The following TTC17 variants were observed in gnomAD, a reference collection of about 807,000 sequenced individuals.
TTC17 encodes the protein tetratricopeptide repeat domain 17, also known as tetratricopeptide repeat protein 17.
In TTC17, 58 loss-of-function variants were observed where a neutral mutation model predicts 143.8. The ratio of observed to expected loss-of-function variants is 0.40; its 90% confidence interval spans 0.33 to 0.50. The LOEUF is 0.50. Among genes scored for constraint, TTC17 ranks in the 20% least tolerant of loss-of-function variants. The probability of loss-of-function intolerance (pLI) is 0.49; values close to 1 mark genes in which losing one functional copy is unlikely to be tolerated. For synonymous variants in TTC17, 501 were observed against 497.8 expected (o/e 1.01, Z -0.09); for missense variants, 1,273 against 1,392.5 (o/e 0.91, Z 1.37).
chr11:43,475,434 G>T (rs762891334), intron 21 of TTC17, among the ~76,000 whole-genome samples: 6 of 152,144 alleles, frequency 3.9e-5, no homozygotes, highest in Non-Finnish European at 8.8e-5. Flanking sequence ...CCAGGTTAAA[G>T]CAATCCTTCC....
At chr11:43,373,449 C>G (rs988798003) in intron 1 of TTC17, among the ~76,000 whole-genome samples, 1 of 151,892 alleles carries the variant, frequency 6.6e-6, no homozygotes, top group Non-Finnish European at 1.5e-5. Flanking sequence ...TCAGCCTCCC[C>G]AGTAGCTGGA....
intron 13 of TTC17, among the ~76,000 whole-genome samples, chr11:43,406,320 TGAAGA>T (rs1265733142): frequency 6.6e-6 from 1 of 152,152 alleles, no homozygotes; most frequent in East Asian, 1.9e-4. Context: ...ATTGAAAGCT[TGAAGA>T]ATCTCTCTCT....
At chr11:43,368,043 C>G (rs116722345) in intron 1 of TTC17, among the ~76,000 whole-genome samples, 11 of 152,298 alleles carry the variant, frequency 7.2e-5, no homozygotes, top group African/African-American at 2.4e-4. Context: ...CTTTTTACAC[C>G]TGTAATAGCT....
At chr11:43,470,045 G>A (rs187466901) in intron 21 of TTC17, among the ~76,000 whole-genome samples, 3 of 151,828 alleles carry the variant, frequency 2.0e-5, no homozygotes, top group Non-Finnish European at 2.9e-5. Context: ...AAATATGGAC[G>A]GTAACATCTT....
chr11:43,460,271 G>A lies in TTC17; in HGVS notation c.3030+9006G>A, dbSNP rs920410020. Among the ~76,000 whole-genome samples the A allele has an allele frequency of 2.6e-5, 4 of 152,042 alleles. No individual in the cohort carries two copies. In the East Asian group the frequency reaches 7.7e-4, roughly 29 times the overall value. On this transcript the variant is annotated intron_variant, in intron 21 of 23. Coordinates refer to ENST00000039989, the MANE Select transcript of TTC17 (RefSeq NM_018259.6). ...TCTCTCTTTTAATACCTTTCTACAGGTGTTTTTTGAAAAATTGCTTATCAC... is the reference window on the plus strand; with the variant it reads ...TCTCTCTTTTAATACCTTTCTACAGATGTTTTTTGAAAAATTGCTTATCAC...
At chr11:43,479,602 T>C (rs1948248185) in intron 21 of TTC17, among the ~76,000 whole-genome samples, 1 of 152,140 alleles carries the variant, frequency 6.6e-6, no homozygotes, top group South Asian at 2.1e-4. Flanking sequence ...AACTACAAAA[T>C]AGCAAAGGCA....
chr11:43,451,356 TGTTA>T, intron 21 of TTC17, 91 bp downstream of exon 21: 1 of 1,129,270 alleles, frequency 8.9e-7, no homozygotes, highest in Admixed American at 1.8e-5. Context: ...TAACCTCTTC[TGTTA>T]GTTACTTAGC....
Position 43,401,578 on chromosome 11 carries a change from C to T in TTC17, c.1332+20C>T, listed in dbSNP as rs1267527109. ...GTTCAGGTCTTTTTCTTGGTCCAGT[C>T]TAATTCTTATAAACGTTTGCTTTAT... is the stretch of plus-strand genomic sequence containing the variant. On this transcript the variant is annotated intron_variant, in intron 10 of 23. Transcript: ENST00000039989. 2 of 1,513,388 alleles carry T rather than the reference C, an allele frequency of 1.3e-6. No individual in the cohort carries two copies. Among genetic ancestry groups the T allele is most frequent in the African/African-American group, 2.8e-5 (2 of 71,532 alleles). 93.7% of individuals were successfully genotyped at this position (1,513,388 alleles called of 1,614,324 possible). A position where few individuals can be genotyped will look rare whatever the true frequency, so the allele number is the denominator to read the frequency against.
chr11:43,454,920 A>T (rs1402422737), intron 21 of TTC17, among the ~76,000 whole-genome samples: 1 of 152,016 alleles, frequency 6.6e-6, no homozygotes, highest in Admixed American at 6.5e-5. Context: ...ATAATCAGTA[A>T]GGTAGATCTT....
At chr11:43,456,077 G>A (rs1033116163) in intron 21 of TTC17, among the ~76,000 whole-genome samples, 1 of 151,906 alleles carries the variant, frequency 6.6e-6, no homozygotes, top group Non-Finnish European at 1.5e-5. Context: ...TGATAGAGGG[G>A]AAAAAATCAT....
In TTC17 at chr11:43,414,791, A is replaced by G. The variant is rs1344154175; in HGVS notation, c.2251+15A>G. On this transcript the variant is annotated intron_variant, in intron 16 of 23. Transcript: ENST00000039989. ...TGTTTGCAGTGGTAAGCAGCTTTCA[A>G]ATGCTGACAAACTAATGAGCTCAGC... 6.2e-7 allele frequency: 1 copy of G among 1,607,394 alleles called. No homozygotes were observed. The highest frequency in any genetic ancestry group is 2.2e-5 in the East Asian group (1 of 44,766).
intron 1 of TTC17, among the ~76,000 whole-genome samples, chr11:43,376,414 G>A (rs1465372075): frequency 6.6e-6 from 1 of 152,146 alleles, no homozygotes; most frequent in Non-Finnish European, 1.5e-5. Flanking sequence ...CTTAAAGTAA[G>A]TGAAAATGAT....
At chr11:43,492,460 C>T (rs1948491246) in intron 23 of TTC17, among the ~76,000 whole-genome samples, 1 of 152,224 alleles carries the variant, frequency 6.6e-6, no homozygotes, top group Non-Finnish European at 1.5e-5. Flanking sequence ...CAGAAAACCT[C>T]TCCTAACACT....
intron 15 of TTC17, among the ~76,000 whole-genome samples, chr11:43,411,976 A>T (rs946468748): frequency 3.9e-5 from 6 of 152,218 alleles, no homozygotes; most frequent in Admixed American, 2.6e-4. Context: ...TATATTGTAC[A>T]GTTTGAAAAT....
rs577677381 is a variant in TTC17, at chr11:43,475,278, G to C, written c.3031-14961G>C. Among the ~76,000 whole-genome samples, 30 of 152,184 alleles carry C rather than the reference G, an allele frequency of 2.0e-4. 1 individual carries two copies. In the South Asian group the frequency reaches 5.6e-3, roughly 28 times the overall value. ...TTTTGAACTTAAGAGAGATGATTTA[G>C]GGTATCTGGTGGAAGAAATTTCTAA... is the stretch of plus-strand genomic sequence containing the variant. On this transcript the variant is annotated intron_variant, in intron 21 of 23. Coordinates refer to ENST00000039989, the MANE Select transcript of TTC17 (RefSeq NM_018259.6).
chr11:43,447,817 T>C, intron 18 of TTC17, 185 bp from the exon 19 acceptor site: 1 of 612,912 alleles, frequency 1.6e-6, no homozygotes, highest in Non-Finnish European at 2.7e-6. Context: ...TCAGAGATGA[T>C]CTTTAGTTCC....
intron 18 of TTC17, among the ~76,000 whole-genome samples, chr11:43,445,611 T>G (rs1947523862): frequency 6.6e-6 from 1 of 152,210 alleles, no homozygotes; most frequent in Non-Finnish European, 1.5e-5. Context: ...TTAAATGTAT[T>G]CAAGTTGGTG....
intron 21 of TTC17, among the ~76,000 whole-genome samples, chr11:43,480,192 TATTCATTC>T (rs1229157923): frequency 1.3e-5 from 2 of 152,220 alleles, no homozygotes; most frequent in African/African-American, 2.4e-5. Flanking sequence ...CTCATTCATT[TATTCATTC>T]ATTCAGCAAA....
At chr11:43,403,451 C>G (rs986991269) in intron 10 of TTC17, among the ~76,000 whole-genome samples, 1 of 152,140 alleles carries the variant, frequency 6.6e-6, no homozygotes, top group Admixed American at 6.5e-5. Context: ...CAACATTGTT[C>G]CACCTTGCTT....
Sources: allele counts gnomAD v4.1 joint callset (sites outside exome capture counted in the v4.1 genomes callset), GRCh38; gene constraint gnomAD v4.1.1; transcripts MANE v1.5; gene names NCBI Gene and HGNC (gene_info 2026-07-23, HGNC 2026-07-21).